GRK1: variants seen among roughly 807,000 people sequenced by gnomAD.
GRK1 encodes the protein rhodopsin kinase GRK1.
Under a neutral mutation model 41.7 loss-of-function variants are expected in GRK1, and 28 were observed. The ratio of observed to expected loss-of-function variants is 0.67; its 90% confidence interval spans 0.50 to 0.92. The LOEUF (loss-of-function observed/expected upper bound fraction) is 0.92, where lower values mean the gene tolerates loss of function less well. Ranked by LOEUF, GRK1 falls within the 40% of genes least tolerant of loss-of-function variation. The pLI, the probability that GRK1 is intolerant of heterozygous loss-of-function variation, is 0.00. For synonymous variants in GRK1, 327 were observed against 286.7 expected, an observed-to-expected ratio of 1.14 and a Z score of -1.42; for missense variants, 703 against 671.2, an observed-to-expected ratio of 1.05 and a Z score of -0.52.
At chr13:113,670,206 G>C (rs969607751) in intron 2 of GRK1, among the ~76,000 whole-genome samples, 1 of 152,144 alleles carries the variant, frequency 6.6e-6, no homozygotes, top group Admixed American at 6.5e-5. Context: ...CCTAGAGCTG[G>C]AGACAAGATC....
intron 4 of GRK1, among the ~76,000 whole-genome samples, chr13:113,724,743 C>A (rs1263162646): frequency 6.6e-6 from 1 of 152,222 alleles, no homozygotes. Flanking sequence ...CTCAAGGAAG[C>A]CTCGGGTGGC....
the GRK1 span, among the ~76,000 whole-genome samples, chr13:113,652,066 C>A: frequency 3.3e-5 from 5 of 152,202 alleles, no homozygotes; most frequent in Non-Finnish European, 7.4e-5. Context: ...AGAGCACGGG[C>A]CGGCCTGCCT....
rs553489781 is a variant in GRK1 at position 113,735,258 on chromosome 13, C to T, written c.1587C>T (p.Gly529=). 4.0e-5 allele frequency: 61 copies of T among 1,536,984 alleles called. No individual in the cohort carries two copies. Among genetic ancestry groups the T allele is most frequent in the Middle Eastern group, 3.3e-4 (2 of 5,988 alleles). ...AGATGATCGAGACGGGCATCTTTGGCGAGCTGAACGTGTGGCGCTCGGACG... is the reference window on the plus strand; with the variant it reads ...AGATGATCGAGACGGGCATCTTTGGTGAGCTGAACGTGTGGCGCTCGGACG... ...QEEMIETGIF[G]ELNVWRSDGQ... is the part of the protein sequence containing the mutation. Residue 529 remains glycine, a synonymous_variant, in exon 7 of 7, where the codon GGC becomes GGT. Transcript: ENST00000335678.
chr13:113,662,852 A>G (rs2049797546), upstream of GRK1, among the ~76,000 whole-genome samples: 1 of 152,206 alleles, frequency 6.6e-6, no homozygotes, highest in African/African-American at 2.4e-5. Flanking sequence ...CAACATAACA[A>G]AGAGATCAAT....
rs1356353275 is a variant in GRK1, at chr13:113,671,708, G to A, written c.985+52G>A. ...ATGAGGGCTACGAGGAGGGCGGGGCGCAGCTTCCTTGGGGGTCTCTGCACA... is the reference window on the plus strand; with the variant it reads ...ATGAGGGCTACGAGGAGGGCGGGGCACAGCTTCCTTGGGGGTCTCTGCACA... On this transcript the variant is annotated intron_variant, in intron 3 of 6. Coordinates refer to ENST00000335678, the MANE Select transcript of GRK1 (RefSeq NM_002929.3). This position sits in a 1 kb window ranked among gnomAD's most constrained non-coding sequence, Gnocchi z 4.1. 1.7e-5 allele frequency: 12 copies of A among 704,380 alleles called. No individual in the cohort carries two copies. Among genetic ancestry groups the A allele is most frequent in the Admixed American group, 9.9e-5 (5 of 50,254 alleles). 43.6% of individuals were successfully genotyped at this position (704,380 alleles called of 1,614,324 possible).
the GRK1 span, among the ~76,000 whole-genome samples, chr13:113,652,247 C>G: frequency 6.6e-6 from 1 of 152,258 alleles, no homozygotes; most frequent in Non-Finnish European, 1.5e-5. Context: ...TGCTGGGACC[C>G]CCGTCACAGC....
intron 6 of GRK1, 63 bp from the exon 7 acceptor site, chr13:113,735,005 G>T: frequency 7.0e-7 from 1 of 1,422,890 alleles, no homozygotes; most frequent in Non-Finnish European, 9.2e-7. Flanking sequence ...GGGGCTTTTT[G>T]GCTAAACGGC....
At chr13:113,658,631 C>A in the GRK1 span, among the ~76,000 whole-genome samples, 1 of 152,176 alleles carries the variant, frequency 6.6e-6, no homozygotes, top group Admixed American at 6.5e-5. Context: ...CTCCCTGGGC[C>A]CCCCGCTGCG....
In GRK1 at chr13:113,731,342, A is replaced by C; in HGVS notation, c.1193A>C (p.Lys398Thr). ...GGACCCTTCCGAGCCCGTGGAGAGAAGGTAGGAGGCGGCCGGCAGGTGTCT... is the reference window on the plus strand; with the variant it reads ...GGACCCTTCCGAGCCCGTGGAGAGACGGTAGGAGGCGGCCGGCAGGTGTCT... ...ARGPFRARGE[K>T]VENKELKHRI... is the part of the protein sequence containing the mutation. The change falls in exon 5 of 7, where the codon AAG becomes ACG. Residue 398 changes from lysine to threonine, a missense_variant and splice_region_variant. Transcript: ENST00000335678. This position sits in a 1 kb window ranked among gnomAD's most constrained non-coding sequence, Gnocchi z 5.6. 1 of 1,536,676 alleles carries C rather than the reference A, an allele frequency of 6.5e-7. No homozygotes were observed. The highest frequency in any genetic ancestry group is 1.2e-5 in the South Asian group (1 of 84,030).
chr13:113,669,552 AG>A (rs2049842031), intron 1 of GRK1, 134 bp from the exon 2 acceptor site: 2 of 1,013,310 alleles, frequency 2.0e-6, no homozygotes, highest in Non-Finnish European at 3.0e-6. Context: ...GCTTTGTGAA[AG>A]GCGCATTTAA....
In GRK1 at chr13:113,667,906, T is replaced by TTCC; in HGVS notation, c.522_524dup (p.Leu175dup). On this transcript the variant is annotated inframe_insertion, in exon 1 of 7. Transcript: ENST00000335678. This position sits in a 1 kb window ranked among gnomAD's most constrained non-coding sequence, Gnocchi z 7.5. ...CCTGGGCAGCCTGTACTTCCTGAGG[T>TTCC]TCCTGCAGTGGAAGTGGCTGGAAGC... 1.2e-6 allele frequency: 2 copies of TTCC among 1,605,614 alleles called. No homozygotes were observed. The highest frequency in any genetic ancestry group is 1.7e-6 in the Non-Finnish European group (2 of 1,175,678).
chr13:113,650,414 T>A, the GRK1 span: 1 of 1,613,814 alleles, frequency 6.2e-7, no homozygotes, highest in Non-Finnish European at 8.5e-7. The surrounding 1 kb of genome is among the most constrained non-coding windows in gnomAD (Gnocchi z 5.0). Context: ...ACCTGGGCTT[T>A]CTTCCCGTAA....
chr13:113,672,131 G>A (rs2049861483), intron 3 of GRK1, among the ~76,000 whole-genome samples: 1 of 152,076 alleles, frequency 6.6e-6, no homozygotes. Flanking sequence ...TCCACCGTCA[G>A]CCAGGGAGCC....
At chr13:113,725,394 G>C (rs1232224774) in intron 4 of GRK1, among the ~76,000 whole-genome samples, 1 of 14,488 alleles carries the variant, frequency 6.9e-5, no homozygotes. Context: ...ATCCAGGGGC[G>C]TGCACAGGGC....
At chr13:113,725,121 G>A (rs2049882763) in intron 4 of GRK1, among the ~76,000 whole-genome samples, 1 of 152,380 alleles carries the variant, frequency 6.6e-6, no homozygotes, top group African/African-American at 2.4e-5. Flanking sequence ...GGAGGCCGGT[G>A]TCAGTTCAGC....
At chr13:113,732,342 C>T (rs1166633679) in intron 5 of GRK1, among the ~76,000 whole-genome samples, 1 of 152,184 alleles carries the variant, frequency 6.6e-6, no homozygotes, top group Non-Finnish European at 1.5e-5. Flanking sequence ...CTAGCACGCC[C>T]GTGGTCACTC....
the GRK1 span, chr13:113,658,182 C>T: frequency 8.3e-6 from 13 of 1,572,906 alleles, no homozygotes; most frequent in Non-Finnish European, 1.1e-5. Context: ...GCTCCCTGCA[C>T]CCTCTACGCC....
intron 6 of GRK1, among the ~76,000 whole-genome samples, chr13:113,733,757 G>A (rs1389733291): frequency 9.7e-5 from 12 of 123,282 alleles, no homozygotes; most frequent in Non-Finnish European, 1.7e-4. Context: ...ACATGTGTGT[G>A]CGTGTGTATG....
At chr13:113,653,279 C>T in the GRK1 span, 16 of 1,583,200 alleles carry the variant, frequency 1.0e-5, no homozygotes, top group Non-Finnish European at 1.4e-5. Flanking sequence ...CACACCTCAC[C>T]CACCCGCCGC....
Sources: allele counts gnomAD v4.1 joint callset (sites outside exome capture counted in the v4.1 genomes callset), GRCh38; gene constraint gnomAD v4.1.1; non-coding constraint Gnocchi (gnomAD v3.1); transcripts MANE v1.5; gene names NCBI Gene and HGNC (gene_info 2026-07-23, HGNC 2026-07-21).